The following HS6ST3 variants were observed in gnomAD, a reference collection of about 807,000 sequenced individuals.
HS6ST3 encodes the protein heparan-sulfate 6-O-sulfotransferase 3.
In HS6ST3, 12 loss-of-function variants were observed where a neutral mutation model predicts 36.7. That is an observed-to-expected ratio of 0.33 (90% CI 0.21 to 0.53). The LOEUF (loss-of-function observed/expected upper bound fraction) is 0.53, where lower values mean the gene tolerates loss of function less well. Among genes scored for constraint, HS6ST3 ranks in the 20% least tolerant of loss-of-function variants. The probability of loss-of-function intolerance (pLI) is 0.95; values close to 1 mark genes in which losing one functional copy is unlikely to be tolerated. For synonymous variants in HS6ST3, 240 were observed against 257.5 expected (o/e 0.93, Z 0.65); for missense variants, 584 against 640.9 (o/e 0.91, Z 0.96).
At chr13:96,589,457 TTTTG>T (rs773990409) in intron 1 of HS6ST3, among the ~76,000 whole-genome samples, 41 of 152,226 alleles carry the variant, frequency 2.7e-4, no homozygotes, top group South Asian at 6.2e-4. Context: ...TTTTTATCTG[TTTTG>T]TTTATCTTTT....
At position 96,835,305 on chromosome 13, in the gene HS6ST3, G is replaced by C. The variant is rs1189382969; in HGVS notation, c.*2107G>C. The C allele has an allele frequency of 6.6e-6, 1 of 152,332 alleles. No homozygotes were observed. Among genetic ancestry groups the C allele is most frequent in the African/African-American group, 2.4e-5 (1 of 41,446 alleles). 9.4% of individuals were successfully genotyped at this position (152,332 alleles called of 1,614,324 possible). A position where few individuals can be genotyped will look rare whatever the true frequency, so the allele number is the denominator to read the frequency against. On this transcript the variant is annotated 3_prime_UTR_variant, in exon 2 of 2. Transcript: ENST00000376705. ...TCAGTCCAGCCCCCTCCACATCACT[G>C]AGCCATCAATGAGCTGAGAGATCAA...
At chr13:96,655,998 G>T (rs2056623497) in intron 1 of HS6ST3, among the ~76,000 whole-genome samples, 1 of 152,034 alleles carries the variant, frequency 6.6e-6, no homozygotes, top group Non-Finnish European at 1.5e-5. Flanking sequence ...CAGAATCTGT[G>T]CTTGACAAGA....
intron 1 of HS6ST3, among the ~76,000 whole-genome samples, chr13:96,335,429 T>C (rs1410554070): frequency 2.6e-5 from 4 of 152,216 alleles, no homozygotes; most frequent in African/African-American, 9.6e-5. Context: ...TGTGACGTGC[T>C]TGACTGCTGG....
intron 1 of HS6ST3, among the ~76,000 whole-genome samples, chr13:96,379,217 G>T (rs1026039748): frequency 6.6e-6 from 1 of 152,130 alleles, no homozygotes; most frequent in African/African-American, 2.4e-5. Flanking sequence ...AGTTCTGTTT[G>T]CTATGGTCTG....
At chr13:96,181,187 G>T (rs1459571678) in intron 1 of HS6ST3, among the ~76,000 whole-genome samples, 1 of 151,850 alleles carries the variant, frequency 6.6e-6, no homozygotes, top group Non-Finnish European at 1.5e-5. Context: ...TATCTTCTAG[G>T]ATATTTGGTA....
In HS6ST3 at chr13:96,369,103, G is replaced by A. The variant is rs184345413; in HGVS notation, c.707+277534G>A. The stretch of plus-strand genomic sequence containing the variant: ...GGGGAGGGTGGGTGTGAGAGTTGAG[G>A]GGAGGTTGCGTACCGATAATCTTGA... On this transcript the variant is annotated intron_variant, in intron 1 of 1. Coordinates refer to ENST00000376705, the MANE Select transcript of HS6ST3 (RefSeq NM_153456.4). 1.5e-3 allele frequency among the ~76,000 whole-genome samples: 230 copies of A among 152,050 alleles called. 1 individual carries two copies. Among genetic ancestry groups the A allele is most frequent in the Admixed American group, 3.0e-3 (46 of 15,254 alleles).
intron 1 of HS6ST3, among the ~76,000 whole-genome samples, chr13:96,514,229 A>G (rs117358016): frequency 0.021 from 3,267 of 152,312 alleles, 54 homozygotes; most frequent in Non-Finnish European, 0.036. Context: ...AGCGTGCAGT[A>G]GGTTGATGGA....
intron 1 of HS6ST3, among the ~76,000 whole-genome samples, chr13:96,576,163 C>G (rs750897505): frequency 2.0e-5 from 3 of 149,984 alleles, no homozygotes; most frequent in African/African-American, 7.3e-5. Context: ...TGGAAGGGAA[C>G]GGGCGAGGGT....
chr13:96,316,640 A>G (rs2054971530), intron 1 of HS6ST3, among the ~76,000 whole-genome samples: 1 of 152,184 alleles, frequency 6.6e-6, no homozygotes, highest in African/African-American at 2.4e-5. Context: ...AGTCACATCC[A>G]GTTTGTTAGT....
At chr13:96,459,107 A>T (rs1270904920) in intron 1 of HS6ST3, among the ~76,000 whole-genome samples, 1 of 69,346 alleles carries the variant, frequency 1.4e-5, no homozygotes, top group Admixed American at 1.7e-4. Context: ...GTCTAAAAAA[A>T]AAAAAAAAAA....
intron 1 of HS6ST3, among the ~76,000 whole-genome samples, chr13:96,118,898 G>GA (rs1326589926): frequency 6.7e-6 from 1 of 148,486 alleles, no homozygotes; most frequent in East Asian, 2.0e-4. Context: ...TTTTAGTAGA[G>GA]ACGGGGTTTC....
intron 1 of HS6ST3, among the ~76,000 whole-genome samples, chr13:96,541,683 T>A (rs1457155293): frequency 2.0e-5 from 3 of 152,190 alleles, no homozygotes; most frequent in Admixed American, 2.0e-4. Flanking sequence ...GATGATATAA[T>A]GTCTGCCTAG....
intron 1 of HS6ST3, among the ~76,000 whole-genome samples, chr13:96,414,897 T>C (rs1366322916): frequency 2.0e-5 from 3 of 152,178 alleles, no homozygotes; most frequent in Non-Finnish European, 2.9e-5. Context: ...GTGGCATATT[T>C]TATAAGAAAG....
intron 1 of HS6ST3, among the ~76,000 whole-genome samples, chr13:96,527,685 G>A (rs767958585): frequency 6.6e-6 from 1 of 152,110 alleles, no homozygotes; most frequent in South Asian, 2.1e-4. Flanking sequence ...ATAGGTGAGA[G>A]GATCACCAGC....
chr13:96,738,428 T>A (rs1404356871), intron 1 of HS6ST3, among the ~76,000 whole-genome samples: 1 of 151,548 alleles, frequency 6.6e-6, no homozygotes, highest in African/African-American at 2.4e-5. Context: ...CCATCGATGA[T>A]GCTGTTCTGT....
chr13:96,395,512 C>T (rs1374602404), intron 1 of HS6ST3, among the ~76,000 whole-genome samples: 1 of 152,120 alleles, frequency 6.6e-6, no homozygotes, highest in East Asian at 1.9e-4. Flanking sequence ...TTTTTTCCTC[C>T]CAGTATGTGA....
At chr13:96,360,572 G>T (rs1275734131) in intron 1 of HS6ST3, among the ~76,000 whole-genome samples, 8 of 151,190 alleles carry the variant, frequency 5.3e-5, no homozygotes, top group Non-Finnish European at 1.2e-4. Context: ...TTGATACCAA[G>T]GTAGAAACAT....
At chr13:96,311,657 A>G (rs973835456) in intron 1 of HS6ST3, among the ~76,000 whole-genome samples, 2 of 152,180 alleles carry the variant, frequency 1.3e-5, no homozygotes, top group Non-Finnish European at 2.9e-5. Context: ...TCTTCTACAC[A>G]TATGTCACAT....
intron 1 of HS6ST3, among the ~76,000 whole-genome samples, chr13:96,514,802 G>A (rs1380948941): frequency 6.6e-6 from 1 of 152,174 alleles, no homozygotes; most frequent in East Asian, 1.9e-4. Flanking sequence ...ATTCACTTTT[G>A]TGATCTTGAA....
Sources: gnomAD v4.1 joint callset for allele counts (sites outside exome capture counted in the v4.1 genomes callset) on GRCh38, gnomAD v4.1.1 for gene constraint, MANE v1.5 for transcripts, NCBI Gene and HGNC (gene_info 2026-07-23, HGNC 2026-07-21) for gene names.